The following NRG3 variants were observed in gnomAD, a reference collection of about 807,000 sequenced individuals.
NRG3 encodes neuregulin 3.
In NRG3, 31 loss-of-function variants were observed where a neutral mutation model predicts 66.9. That is an observed-to-expected ratio of 0.46 (90% CI 0.35 to 0.63). The LOEUF (loss-of-function observed/expected upper bound fraction) is 0.63, where lower values mean the gene tolerates loss of function less well. NRG3 is among the 20% of genes least tolerant of loss of function. The pLI, the probability that NRG3 is intolerant of heterozygous loss-of-function variation, is 0.00. For synonymous variants in NRG3, 393 were observed against 359.4 expected (o/e 1.09, Z -1.06); for missense variants, 910 against 878.9 (o/e 1.04, Z -0.45).
intron 1 of NRG3, among the ~76,000 whole-genome samples, chr10:82,169,253 A>C (rs1030607866): frequency 5.3e-5 from 8 of 152,052 alleles, no homozygotes; most frequent in African/African-American, 1.7e-4. Context: ...TTGTATAGTC[A>C]TTTGTTTTGA....
intron 1 of NRG3, among the ~76,000 whole-genome samples, chr10:82,069,387 G>A (rs1380869542): frequency 6.6e-6 from 1 of 152,206 alleles, no homozygotes; most frequent in African/African-American, 2.4e-5. Flanking sequence ...AGACCAGGAA[G>A]TTTTCTTACT....
At chr10:81,963,220 G>A (rs1017019609) in intron 1 of NRG3, among the ~76,000 whole-genome samples, 4 of 127,670 alleles carry the variant, frequency 3.1e-5, no homozygotes, top group Admixed American at 2.0e-4. Context: ...TGCAAGCTCC[G>A]CCTCCCGGGT....
chr10:81,916,877 CA>C, intron 1 of NRG3, among the ~76,000 whole-genome samples: 1 of 152,126 alleles, frequency 6.6e-6, no homozygotes, highest in South Asian at 2.1e-4. Flanking sequence ...TTAATTTTTA[CA>C]AAAAATGTCA....
intron 3 of NRG3, among the ~76,000 whole-genome samples, chr10:82,743,683 G>A (rs2058524649): frequency 6.6e-6 from 1 of 151,988 alleles, no homozygotes; most frequent in South Asian, 2.1e-4. Flanking sequence ...GAGCCAAGTG[G>A]TGCCCCTTTG....
intron 1 of NRG3, among the ~76,000 whole-genome samples, chr10:82,084,480 C>T (rs1319989545): frequency 6.8e-6 from 1 of 146,868 alleles, no homozygotes; most frequent in Non-Finnish European, 1.5e-5. Context: ...TAGCTAGTCT[C>T]CAAATTTGGG....
chr10:82,732,815 A>C (rs1413898503), intron 2 of NRG3, among the ~76,000 whole-genome samples: 1 of 152,202 alleles, frequency 6.6e-6, no homozygotes, highest in African/African-American at 2.4e-5. Flanking sequence ...TCAAATGTAA[A>C]CTTGAAATGC....
In NRG3 at chr10:82,576,164, G is replaced by A. The variant is rs186914404; in HGVS notation, c.954-162413G>A. On this transcript the variant is annotated intron_variant, in intron 2 of 8. Transcript: ENST00000372141. ...CAGACATCTTTTTCTCCTCTGTTTTGTTTTGTTTTTTTAATTTTGGCAGTC... is the reference window on the plus strand; with the variant it reads ...CAGACATCTTTTTCTCCTCTGTTTTATTTTGTTTTTTTAATTTTGGCAGTC... Among the ~76,000 whole-genome samples the A allele has an allele frequency of 1.7e-3, 257 of 151,622 alleles. 1 individual carries two copies. The highest frequency in any genetic ancestry group is 2.6e-3 in the Non-Finnish European group (179 of 67,710).
At chr10:82,416,048 A>T (rs1233965526) in intron 2 of NRG3, among the ~76,000 whole-genome samples, 1 of 152,178 alleles carries the variant, frequency 6.6e-6, no homozygotes, top group African/African-American at 2.4e-5. Context: ...TAAGCTAGAG[A>T]TAGTCAATAT....
In NRG3 at chr10:82,491,489, C is replaced by A. The variant is rs182149443; in HGVS notation, c.953+132621C>A. 2.4e-3 allele frequency among the ~76,000 whole-genome samples: 366 copies of A among 151,274 alleles called. 4 individuals carry two copies. In the Middle Eastern group the frequency reaches 0.038, roughly 16 times the overall value. ...AACAGTGCCTGAGACATAATAGGTC[C>A]TCAAAAAATACTTGTTGAATGAGAT... On this transcript the variant is annotated intron_variant, in intron 2 of 8. Transcript: ENST00000372141.
At chr10:82,737,158 T>TA (rs938625270) in intron 2 of NRG3, among the ~76,000 whole-genome samples, 102 of 152,310 alleles carry the variant, frequency 6.7e-4, no homozygotes, top group African/African-American at 2.4e-3. Flanking sequence ...GTTTATGCTT[T>TA]AAAAAAATCA....
At chr10:82,914,123 T>G (rs1274188602) in intron 4 of NRG3, among the ~76,000 whole-genome samples, 2 of 152,054 alleles carry the variant, frequency 1.3e-5, no homozygotes, top group African/African-American at 4.8e-5. Flanking sequence ...TTCAGTTTTT[T>G]TTTTCTAGTA....
At chr10:82,012,337 TCCCAG>T (rs2061613294) in intron 1 of NRG3, among the ~76,000 whole-genome samples, 1 of 151,792 alleles carries the variant, frequency 6.6e-6, no homozygotes, top group Non-Finnish European at 1.5e-5. Context: ...GGGACCCTGG[TCCCAG>T]CCCATGAAAC....
chr10:82,626,614 A>T (rs1405729923), intron 2 of NRG3, among the ~76,000 whole-genome samples: 2 of 152,178 alleles, frequency 1.3e-5, no homozygotes, highest in African/African-American at 4.8e-5. Context: ...AAAATTATAG[A>T]TTAAAAGAAT....
At chr10:82,005,231 T>C (rs2061337983) in intron 1 of NRG3, among the ~76,000 whole-genome samples, 1 of 152,224 alleles carries the variant, frequency 6.6e-6, no homozygotes, top group Non-Finnish European at 1.5e-5. Flanking sequence ...GTGGTAGATA[T>C]GACTCTATGC....
At chr10:82,086,277 A>G (rs2065721327) in intron 1 of NRG3, among the ~76,000 whole-genome samples, 1 of 152,156 alleles carries the variant, frequency 6.6e-6, no homozygotes, top group African/African-American at 2.4e-5. Flanking sequence ...CGAGAGTTTT[A>G]AAGTAAGTTA....
chr10:82,477,443 C>T (rs1415663799), intron 2 of NRG3, among the ~76,000 whole-genome samples: 5 of 152,102 alleles, frequency 3.3e-5, no homozygotes, highest in Non-Finnish European at 7.4e-5. Context: ...GTATTATTAT[C>T]CCTTTTGCCA....
At chr10:82,799,481 G>A (rs1813838) in intron 3 of NRG3, among the ~76,000 whole-genome samples, 11,673 of 147,894 alleles carry the variant, frequency 0.079, 827 homozygotes, top group East Asian at 0.25. Context: ...AGGTGAGATT[G>A]CGCCATTGCA....
chr10:82,812,359 G>A (rs1019278195), intron 3 of NRG3, among the ~76,000 whole-genome samples: 9 of 152,060 alleles, frequency 5.9e-5, no homozygotes, highest in African/African-American at 2.2e-4. Context: ...TTTCTTTGAG[G>A]CAAATTACTA....
chr10:82,215,670 G>A (rs1268978386), intron 1 of NRG3, among the ~76,000 whole-genome samples: 1 of 145,964 alleles, frequency 6.9e-6, no homozygotes, highest in East Asian at 2.1e-4. Flanking sequence ...ATCCCAACTT[G>A]TATCACACAG....
Sources: gnomAD v4.1 joint callset for allele counts (sites outside exome capture counted in the v4.1 genomes callset) on GRCh38, gnomAD v4.1.1 for gene constraint, MANE v1.5 for transcripts, NCBI Gene and HGNC (gene_info 2026-07-23, HGNC 2026-07-21) for gene names.